Variants in FLT1 observed in about 807,000 individuals in gnomAD.
FLT1 encodes the protein fms related receptor tyrosine kinase 1.
A neutral mutation model predicts 156.3 loss-of-function variants in FLT1; 49 were observed. The observed-to-expected ratio is 0.31, with a 90% CI of 0.25 to 0.40. FLT1 has a LOEUF of 0.40. FLT1 is among the 10% of genes least tolerant of loss of function. The pLI, the probability that FLT1 is intolerant of heterozygous loss-of-function variation, is 1.00. For missense variants in FLT1, 1,322 were observed against 1,637.2 expected (o/e 0.81, Z 3.32); for synonymous variants, 594 against 583.8 (o/e 1.02, Z -0.25).
chr13:28,387,061 G>A, intron 13 of FLT1: 1 of 1,036,918 alleles, frequency 9.6e-7, no homozygotes, highest in East Asian at 6.0e-5. Context: ...AGGTGGATTG[G>A]AAAACGGTGT....
chr13:28,453,105 T>G (rs1217392848), intron 3 of FLT1, among the ~76,000 whole-genome samples: 1 of 75,522 alleles, frequency 1.3e-5, no homozygotes, highest in Admixed American at 1.5e-4. Context: ...TCCTTTCCTT[T>G]CCTTTCCTTT....
At chr13:28,362,674 A>T (rs1042941727) in intron 14 of FLT1, among the ~76,000 whole-genome samples, 1 of 152,178 alleles carries the variant, frequency 6.6e-6, no homozygotes, top group Non-Finnish European at 1.5e-5. Context: ...GGAAAAAACA[A>T]CAACAACAAA....
chr13:28,485,089 A>G (rs528798856), intron 1 of FLT1, among the ~76,000 whole-genome samples: 2 of 152,274 alleles, frequency 1.3e-5, no homozygotes, highest in South Asian at 2.1e-4. Context: ...AAAAAAAGAA[A>G]TATTTGTCTG....
At chr13:28,473,685 G>C (rs1880317689) in intron 1 of FLT1, among the ~76,000 whole-genome samples, 2 of 146,568 alleles carry the variant, frequency 1.4e-5, no homozygotes, top group Non-Finnish European at 3.0e-5. Flanking sequence ...GAGAGAGAGA[G>C]AGAGAGAGAA....
intron 24 of FLT1, among the ~76,000 whole-genome samples, chr13:28,318,125 CT>C (rs1871280055): frequency 1.3e-5 from 2 of 152,162 alleles, no homozygotes; most frequent in African/African-American, 4.8e-5. Context: ...CCACACTTGG[CT>C]TGGGCTTCTT....
intron 18 of FLT1, among the ~76,000 whole-genome samples, chr13:28,333,539 TG>T (rs772630397): frequency 6.6e-6 from 1 of 152,204 alleles, no homozygotes; most frequent in Non-Finnish European, 1.5e-5. Flanking sequence ...AAAGAGGAAA[TG>T]TTTTATGGCT....
intron 29 of FLT1, among the ~76,000 whole-genome samples, chr13:28,305,435 C>G (rs181768082): frequency 6.6e-6 from 1 of 152,082 alleles, no homozygotes; most frequent in Non-Finnish European, 1.5e-5. Context: ...ATGTTGCTCC[C>G]GGGCTCAAGT....
chr13:28,305,444 G>A (rs1870704347), intron 29 of FLT1, among the ~76,000 whole-genome samples: 1 of 152,112 alleles, frequency 6.6e-6, no homozygotes, highest in Admixed American at 6.5e-5. Flanking sequence ...CCGGGCTCAA[G>A]TGATCCACCC....
Position 28,385,044 on chromosome 13 carries a change from G to A in FLT1, c.1970-13C>T, listed in dbSNP as rs1355409899. 1 of 1,613,882 alleles carries A rather than the reference G, an allele frequency of 6.2e-7. No homozygotes were observed. Among genetic ancestry groups the A allele is most frequent in the South Asian group, 1.1e-5 (1 of 91,060 alleles). On this transcript the variant is annotated splice_polypyrimidine_tract_variant and intron_variant, in intron 13 of 29. Coordinates refer to ENST00000282397, the MANE Select transcript of FLT1 (RefSeq NM_002019.4). ...GGTGCTTCCTGATCTAGTGAAGAAA[G>A]AAAGGGAGCTGTGATTACTCGTCAA...
At chr13:28,447,909 C>A (rs1165069457) in intron 3 of FLT1, among the ~76,000 whole-genome samples, 1 of 151,478 alleles carries the variant, frequency 6.6e-6, no homozygotes, top group Non-Finnish European at 1.5e-5. Flanking sequence ...AGAACTCTTA[C>A]AACTCAGTAA....
chr13:28,302,129 G>A lies in FLT1; in HGVS notation c.*1038C>T, dbSNP rs1870539052. 4.4e-6 allele frequency: 1 copy of A among 224,790 alleles called. No homozygotes were observed. The highest frequency in any genetic ancestry group is 8.5e-6 in the Non-Finnish European group (1 of 117,354). 13.9% of individuals were successfully genotyped at this position (224,790 alleles called of 1,614,324 possible). On this transcript the variant is annotated 3_prime_UTR_variant, in exon 30 of 30. Transcript: ENST00000282397. ...CTCCATCAGCCCTCGTTTTGATATG[G>A]AGAAAACTCCTCTCCTCAGGACTGC...
chr13:28,374,715 G>A lies in FLT1; in HGVS notation c.2116+10170C>T, dbSNP rs368035006. 3.9e-5 allele frequency among the ~76,000 whole-genome samples: 6 copies of A among 152,016 alleles called. No homozygotes were observed. In the South Asian group the frequency reaches 8.3e-4, roughly 21 times the overall value. Reference sequence around the variant, plus strand: ...TTTTTAGTAGAGACAGGGTTTCACCGTGTTAGCCAGGATGGTCTCGATCTC... The same window carrying A: ...TTTTTAGTAGAGACAGGGTTTCACCATGTTAGCCAGGATGGTCTCGATCTC... On this transcript the variant is annotated intron_variant, in intron 14 of 29. Transcript: ENST00000282397.
intron 3 of FLT1, among the ~76,000 whole-genome samples, chr13:28,445,655 G>T (rs1878576204): frequency 6.6e-6 from 1 of 151,904 alleles, no homozygotes; most frequent in African/African-American, 2.4e-5. Flanking sequence ...ACAAGAGATT[G>T]AATTGTAACA....
chr13:28,479,217 T>C (rs912994789), intron 1 of FLT1, among the ~76,000 whole-genome samples: 2 of 152,166 alleles, frequency 1.3e-5, no homozygotes, highest in Non-Finnish European at 1.5e-5. Flanking sequence ...TTATCCATCA[T>C]AGGGGAATTG....
chr13:28,397,109 T>A lies in FLT1; in HGVS notation c.1552-41A>T, dbSNP rs1418026669. ...AAACTTTAGCTAGCAACAGGACAAATAACTAATTGAACACCCCAAGCTACT... is the reference window on the plus strand; with the variant it reads ...AAACTTTAGCTAGCAACAGGACAAAAAACTAATTGAACACCCCAAGCTACT... On this transcript the variant is annotated intron_variant, in intron 11 of 29. Coordinates refer to ENST00000282397, the MANE Select transcript of FLT1 (RefSeq NM_002019.4). 3.4e-6 allele frequency: 4 copies of A among 1,177,686 alleles called. No homozygotes were observed. The African/African-American group carries it at 4.5e-5, about 13-fold the overall frequency. 73.0% of individuals were successfully genotyped at this position (1,177,686 alleles called of 1,614,324 possible).
chr13:28,335,771 A>G (rs1872095533), intron 17 of FLT1, among the ~76,000 whole-genome samples: 1 of 152,192 alleles, frequency 6.6e-6, no homozygotes, highest in Admixed American at 6.5e-5. Flanking sequence ...AGCATGCAAC[A>G]CGGGCAGAGC....
At position 28,474,972 on chromosome 13, in the gene FLT1, A is replaced by G. The variant is rs73455464; in HGVS notation, c.65-7355T>C. On this transcript the variant is annotated intron_variant, in intron 1 of 29. Coordinates refer to ENST00000282397, the MANE Select transcript of FLT1 (RefSeq NM_002019.4). ...CAGTTATTTTGAAATTTGTTGCCAC[A>G]TATTACCCCATCAGTGTGAGATTTT... Among the ~76,000 whole-genome samples, 727 of 152,276 alleles carry G rather than the reference A, an allele frequency of 4.8e-3. 3 individuals are homozygous for G. The highest frequency in any genetic ancestry group is 0.017 in the African/African-American group (696 of 41,550).
Position 28,321,477 on chromosome 13 carries a change from C to T in FLT1, c.3160G>A (p.Val1054Met), listed in dbSNP as rs1431724872. ...ARDIYKNPDY[V>M]RKGDTRLPLK... Reference sequence around the variant, plus strand: ...AACTGACTTACATCTCCTTTTCTCACATAATCGGGGTTCTTATAAATATCC... The same window carrying T: ...AACTGACTTACATCTCCTTTTCTCATATAATCGGGGTTCTTATAAATATCC... The change falls in exon 23 of 30, where the codon GTG (valine) becomes ATG (methionine). Residue 1054 changes from valine (V) to methionine (M), a missense_variant. This residue lies in a region of FLT1 where 329 missense variants were observed against 366.2 expected (regional missense o/e 0.90). Transcript: ENST00000282397. 6.2e-7 allele frequency: 1 copy of T among 1,614,130 alleles called. No homozygotes were observed.
chr13:28,380,186 G>T (rs937337630), intron 14 of FLT1, among the ~76,000 whole-genome samples: 4 of 152,178 alleles, frequency 2.6e-5, no homozygotes, highest in East Asian at 1.9e-4. Context: ...TTCAGTCTTT[G>T]CAGGCCATGA....
Sources: allele counts gnomAD v4.1 joint callset (sites outside exome capture counted in the v4.1 genomes callset), GRCh38; gene constraint gnomAD v4.1.1; regional missense constraint gnomAD v4.1.1; transcripts MANE v1.5; gene names NCBI Gene and HGNC (gene_info 2026-07-23, HGNC 2026-07-21).